MAF: variants seen among roughly 807,000 people sequenced by gnomAD.
MAF encodes transcription factor Maf.
In MAF, 10 loss-of-function variants were observed where a neutral mutation model predicts 22.0. That is an observed-to-expected ratio of 0.45 (90% CI 0.28 to 0.77). The LOEUF (loss-of-function observed/expected upper bound fraction) is 0.77. MAF is among the 30% of genes least tolerant of loss of function. The probability of loss-of-function intolerance (pLI) is 0.12; values close to 1 mark genes in which losing one functional copy is unlikely to be tolerated. For synonymous variants in MAF, 337 were observed against 255.8 expected, an observed-to-expected ratio of 1.32 and a Z score of -3.03; for missense variants, 544 against 548.4, an observed-to-expected ratio of 0.99 and a Z score of 0.08.
At chr16:79,268,507 G>C in the MAF span, among the ~76,000 whole-genome samples, 1 of 152,126 alleles carries the variant, frequency 6.6e-6, no homozygotes, top group African/African-American at 2.4e-5. Flanking sequence ...CGTAATATAG[G>C]TTAGCAATTG....
At chr16:79,311,176 G>C in the MAF span, among the ~76,000 whole-genome samples, 1 of 151,966 alleles carries the variant, frequency 6.6e-6, no homozygotes, top group African/African-American at 2.4e-5. Flanking sequence ...CTCTCTCTGG[G>C]CTCTAAGCTG....
At chr16:79,507,913 G>T in the MAF span, among the ~76,000 whole-genome samples, 1 of 152,114 alleles carries the variant, frequency 6.6e-6, no homozygotes, top group Non-Finnish European at 1.5e-5. Flanking sequence ...TTACCTGAAA[G>T]CATTAGACTT....
At chr16:79,232,990 G>C in the MAF span, among the ~76,000 whole-genome samples, 1 of 151,634 alleles carries the variant, frequency 6.6e-6, no homozygotes, top group Non-Finnish European at 1.5e-5. Flanking sequence ...ACGGGCGCCC[G>C]CCTCCATGCA....
chr16:79,422,713 T>G, the MAF span, among the ~76,000 whole-genome samples: 1 of 152,186 alleles, frequency 6.6e-6, no homozygotes, highest in Non-Finnish European at 1.5e-5. Context: ...ATTCACTCAC[T>G]CATTCAACAA....
the MAF span, among the ~76,000 whole-genome samples, chr16:79,524,550 T>C: frequency 1.3e-5 from 2 of 152,144 alleles, no homozygotes; most frequent in African/African-American, 4.8e-5. Flanking sequence ...AGAACAAGAG[T>C]GTTTTACCCT....
chr16:79,580,324 G>A, the MAF span, among the ~76,000 whole-genome samples: 1 of 152,118 alleles, frequency 6.6e-6, no homozygotes, highest in Non-Finnish European at 1.5e-5. Context: ...GCTACCAAGT[G>A]ATCAAAGATC....
the MAF span, among the ~76,000 whole-genome samples, chr16:79,460,211 G>C: frequency 6.6e-6 from 1 of 152,082 alleles, no homozygotes; most frequent in Non-Finnish European, 1.5e-5. Context: ...GTTTTACAGT[G>C]TTTGGTAACT....
chr16:79,577,553 A>T, the MAF span, among the ~76,000 whole-genome samples: 1 of 152,184 alleles, frequency 6.6e-6, no homozygotes, highest in Non-Finnish European at 1.5e-5. Flanking sequence ...TGTTGTCATC[A>T]TAGCCCATGG....
the MAF span, among the ~76,000 whole-genome samples, chr16:79,491,375 CAA>C: frequency 4.0e-3 from 608 of 152,262 alleles, 8 homozygotes; most frequent in African/African-American, 0.014. Flanking sequence ...AACCAGCAAA[CAA>C]AAGTCTTCTC....
chr16:79,266,372 T>C, the MAF span, among the ~76,000 whole-genome samples: 1 of 152,218 alleles, frequency 6.6e-6, no homozygotes, highest in East Asian at 1.9e-4. Context: ...TACTGTAATA[T>C]ACCTTGAATC....
the MAF span, among the ~76,000 whole-genome samples, chr16:79,288,892 G>A: frequency 6.6e-6 from 1 of 152,092 alleles, no homozygotes; most frequent in African/African-American, 2.4e-5. Flanking sequence ...ACCATGCCCA[G>A]CTAATTTTTC....
the MAF span, among the ~76,000 whole-genome samples, chr16:79,472,597 G>A: frequency 1.3e-5 from 2 of 152,236 alleles, no homozygotes; most frequent in East Asian, 3.9e-4. Flanking sequence ...GTAGATGAGT[G>A]GTTGCCTAGG....
the MAF span, among the ~76,000 whole-genome samples, chr16:79,493,439 G>A: frequency 1.4e-3 from 216 of 152,182 alleles, no homozygotes; most frequent in African/African-American, 5.0e-3. Context: ...CTCAGCATCC[G>A]AAAGTGCTGG....
intron 1 of MAF, chr16:79,595,505 T>C (rs1567563153): frequency 9.4e-7 from 1 of 1,059,850 alleles, no homozygotes; most frequent in Non-Finnish European, 1.1e-6. Flanking sequence ...TAACATTCTA[T>C]TGGTGTGCTA....
the MAF span, among the ~76,000 whole-genome samples, chr16:79,364,147 T>G: frequency 6.6e-6 from 1 of 152,110 alleles, no homozygotes; most frequent in Admixed American, 6.5e-5. Flanking sequence ...ATGCCCTAAT[T>G]GGGAGCTTAT....
intron 1 of MAF, chr16:79,596,879 T>C: frequency 9.5e-7 from 1 of 1,050,300 alleles, no homozygotes. Flanking sequence ...TTCTAAACAG[T>C]TTTGCAATTT....
the MAF span, among the ~76,000 whole-genome samples, chr16:79,454,412 G>A: frequency 2.8e-4 from 42 of 152,158 alleles, no homozygotes; most frequent in Non-Finnish European, 4.7e-4. Flanking sequence ...TCCCTCAGGG[G>A]TTTACCAATA....
chr16:79,600,531 A>C lies in MAF; in HGVS notation c.-629T>G, dbSNP rs944642797. The C allele has an allele frequency of 5.1e-6, 1 of 194,494 alleles. No individual in the cohort carries two copies. The allele number at this position is 194,494 out of a possible 1,614,324, so 12.0% of individuals were successfully genotyped here. On this transcript the variant is annotated 5_prime_UTR_variant, in exon 1 of 2. Transcript: ENST00000326043. ...CCTCGCGCGCTCTCTACCTCTGTGCAAAGTGCAAGGCAGAGGTGCAGCCCG... is the reference window on the plus strand; with the variant it reads ...CCTCGCGCGCTCTCTACCTCTGTGCCAAGTGCAAGGCAGAGGTGCAGCCCG...
At chr16:79,327,317 G>A in the MAF span, among the ~76,000 whole-genome samples, 115 of 152,260 alleles carry the variant, frequency 7.6e-4, no homozygotes, top group African/African-American at 2.7e-3. Flanking sequence ...TTTCTGGGTA[G>A]TTCTCTCACA....
Sources: allele counts gnomAD v4.1 joint callset (sites outside exome capture counted in the v4.1 genomes callset), GRCh38; gene constraint gnomAD v4.1.1; transcripts MANE v1.5; gene names NCBI Gene and HGNC (gene_info 2026-07-23, HGNC 2026-07-21).